The following SEL1L2 variants were observed in gnomAD, a reference collection of about 807,000 sequenced individuals.
The protein encoded by SEL1L2 is protein sel-1 homolog 2.
In SEL1L2, 89 loss-of-function variants were observed where a neutral mutation model predicts 98.8. That is an observed-to-expected ratio of 0.90 (90% CI 0.76 to 1.07). The LOEUF (loss-of-function observed/expected upper bound fraction) is 1.07, where lower values mean the gene tolerates loss of function less well. Among genes scored for constraint, SEL1L2 ranks in the 50% least tolerant of loss-of-function variants. SEL1L2 has a pLI of 0.00. For synonymous variants in SEL1L2, 262 were observed against 278.5 expected, an observed-to-expected ratio of 0.94 and a Z score of 0.59; for missense variants, 788 against 812.0, an observed-to-expected ratio of 0.97 and a Z score of 0.36.
chr20:13,938,442 CTT>C (rs2148356057), intron 2 of SEL1L2, among the ~76,000 whole-genome samples: 1 of 152,240 alleles, frequency 6.6e-6, no homozygotes, highest in East Asian at 1.9e-4. Context: ...TAGACTTTGA[CTT>C]AAGAGTTTTT....
chr20:13,871,898 C>G (rs1308941622), intron 12 of SEL1L2, among the ~76,000 whole-genome samples: 1 of 152,174 alleles, frequency 6.6e-6, no homozygotes, highest in Non-Finnish European at 1.5e-5. Flanking sequence ...TAATAAAAAG[C>G]TCTCCAAATT....
At chr20:13,946,445 C>G (rs1224374441) in intron 2 of SEL1L2, among the ~76,000 whole-genome samples, 1 of 152,144 alleles carries the variant, frequency 6.6e-6, no homozygotes, top group Non-Finnish European at 1.5e-5. Flanking sequence ...AGACAAAAGA[C>G]TTGTATTAAA....
intron 1 of SEL1L2, among the ~76,000 whole-genome samples, chr20:13,963,385 G>A (rs2050870671): frequency 1.0e-5 from 1 of 95,678 alleles, no homozygotes. Context: ...AAACAATCTG[G>A]AGCAGCAAAA....
chr20:13,941,448 C>G (rs2049772260), intron 2 of SEL1L2, among the ~76,000 whole-genome samples: 3 of 152,188 alleles, frequency 2.0e-5, no homozygotes, highest in Admixed American at 1.3e-4. Flanking sequence ...CATCAAAGCT[C>G]TTTTCCTGAG....
At chr20:13,949,910 A>G (rs1025329138) in intron 2 of SEL1L2, among the ~76,000 whole-genome samples, 1 of 152,224 alleles carries the variant, frequency 6.6e-6, no homozygotes, top group Non-Finnish European at 1.5e-5. Flanking sequence ...TGCCCATGTT[A>G]ATAGCAGCAT....
At chr20:13,862,794 C>G (rs538435819) in intron 17 of SEL1L2, among the ~76,000 whole-genome samples, 45 of 152,090 alleles carry the variant, frequency 3.0e-4, no homozygotes, top group Middle Eastern at 3.4e-3. Flanking sequence ...CTCAAGAGAT[C>G]CTCCTGCCTC....
rs5840588 is a variant in SEL1L2, at chr20:13,917,786, C to CTTTTTTTTTTTTTT, written c.386+1221_386+1234dup. ...CCATACTTTCTTTATTTCTTTCTTT[C>CTTTTTTTTTTTTTT]TTTTTTTTTTTTTTTTTTTTTTTTT... On this transcript the variant is annotated intron_variant, in intron 4 of 19. Coordinates refer to ENST00000284951, the MANE Select transcript of SEL1L2 (RefSeq NM_025229.2). 2.9e-3 allele frequency among the ~76,000 whole-genome samples: 144 copies of CTTTTTTTTTTTTTT among 50,100 alleles called. 8 individuals carry two copies. The highest frequency in any genetic ancestry group is 4.4e-3 in the African/African-American group (48 of 11,020). The allele number at this position is 50,100 out of a possible 152,430, so 32.9% of individuals were successfully genotyped here.
At chr20:13,930,035 C>A (rs1474296501) in intron 3 of SEL1L2, among the ~76,000 whole-genome samples, 2 of 152,212 alleles carry the variant, frequency 1.3e-5, no homozygotes, top group Admixed American at 6.5e-5. Context: ...AGGCAATCCG[C>A]CCACCTCAGC....
Position 13,885,908 on chromosome 20 carries a change from G to A in SEL1L2, c.900+380C>T, listed in dbSNP as rs538894083. On this transcript the variant is annotated intron_variant, in intron 9 of 19. Transcript: ENST00000284951. Reference sequence around the variant, plus strand: ...AAATTAGCCAGGCGTGGTGGTGTGGGCACCTGTAGTCCCAGCTACTTGGGA... The same window carrying A: ...AAATTAGCCAGGCGTGGTGGTGTGGACACCTGTAGTCCCAGCTACTTGGGA... Among the ~76,000 whole-genome samples the A allele has an allele frequency of 1.8e-4, 28 of 152,130 alleles. No homozygotes were observed. The South Asian group carries it at 5.4e-3, about 29-fold the overall frequency.
chr20:13,966,734 G>GAATAGA (rs766688240), intron 1 of SEL1L2, among the ~76,000 whole-genome samples: 2 of 152,154 alleles, frequency 1.3e-5, no homozygotes, highest in Non-Finnish European at 2.9e-5. Flanking sequence ...TATAAAATGG[G>GAATAGA]AATAGAAATA....
At chr20:13,994,952 A>T (rs2052606666), upstream of SEL1L2, 1 of 152,246 alleles carries the variant, frequency 6.6e-6, no homozygotes, top group Non-Finnish European at 1.5e-5. Context: ...TACGATGTGG[A>T]ACCATTTGCC....
chr20:13,988,723 GT>G (rs1200367023), intron 1 of SEL1L2, among the ~76,000 whole-genome samples: 3 of 152,132 alleles, frequency 2.0e-5, no homozygotes, highest in African/African-American at 7.2e-5. Flanking sequence ...TAAAGATTGT[GT>G]TGAAGCCCAG....
chr20:13,983,047 A>AAAAAAAAAAC (rs1569086282), intron 1 of SEL1L2, among the ~76,000 whole-genome samples: 2 of 144,200 alleles, frequency 1.4e-5, no homozygotes, highest in Admixed American at 7.0e-5. Context: ...AAAAAAAAAA[A>AAAAAAAAAAC]AGCAGCAGCC....
intron 2 of SEL1L2, among the ~76,000 whole-genome samples, chr20:13,934,388 C>T (rs2049314611): frequency 1.6e-4 from 1 of 6,146 alleles, no homozygotes; most frequent in African/African-American, 4.3e-4. Flanking sequence ...ATATATATTC[C>T]ATATATATAT....
At chr20:13,981,470 G>C (rs1198567242) in intron 1 of SEL1L2, among the ~76,000 whole-genome samples, 1 of 152,072 alleles carries the variant, frequency 6.6e-6, no homozygotes, top group Non-Finnish European at 1.5e-5. Context: ...ACAAAAAATG[G>C]TACTTATATG....
chr20:13,850,146 A>C (rs1337079740), intron 19 of SEL1L2, 45 bp downstream of exon 19: 1 of 1,610,196 alleles, frequency 6.2e-7, no homozygotes, highest in Admixed American at 1.7e-5. Flanking sequence ...AGAGTTGCTC[A>C]CTGGAGACTT....
At position 13,886,314 on chromosome 20, in the gene SEL1L2, C is replaced by A; in HGVS notation, c.874G>T (p.Ala292Ser). 1 of 1,611,138 alleles carries A rather than the reference C, an allele frequency of 6.2e-7. No individual in the cohort carries two copies. Among genetic ancestry groups the A allele is most frequent in the Admixed American group, 1.7e-5 (1 of 59,486 alleles). Reference sequence around the variant, plus strand: ...TGTATCTGAACATCTCCTCTTTCTGCCAAAAATTTATAGTATTGGTATATG... The same window carrying A: ...TGTATCTGAACATCTCCTCTTTCTGACAAAAATTTATAGTATTGGTATATG... ...WDIYQYYKFL[A>S]ERGDVQIQVS... Residue 292 changes from alanine to serine, a missense_variant, in exon 9 of 20, where the codon GCA becomes TCA. Coordinates refer to ENST00000284951, the MANE Select transcript of SEL1L2 (RefSeq NM_025229.2).
At chr20:13,934,455 A>G (rs544769522) in intron 2 of SEL1L2, among the ~76,000 whole-genome samples, 2 of 108,088 alleles carry the variant, frequency 1.9e-5, no homozygotes, top group Non-Finnish European at 3.6e-5. Flanking sequence ...CCATATATAT[A>G]TATTCCATAT....
intron 14 of SEL1L2, among the ~76,000 whole-genome samples, chr20:13,867,286 C>T (rs766387746): frequency 1.3e-5 from 2 of 152,182 alleles, no homozygotes; most frequent in East Asian, 3.8e-4. Flanking sequence ...TAAATCCCAG[C>T]TCCAAGAAGC....
Sources: gnomAD v4.1 joint callset for allele counts (sites outside exome capture counted in the v4.1 genomes callset) on GRCh38, gnomAD v4.1.1 for gene constraint, MANE v1.5 for transcripts, NCBI Gene and HGNC (gene_info 2026-07-23, HGNC 2026-07-21) for gene names.